The following CFHR4 variants were observed in gnomAD, a reference collection of about 807,000 sequenced individuals.
The protein encoded by CFHR4 is complement factor H related 4, also known as complement factor H-related protein 4.
CFHR4 carries 64 observed loss-of-function variants against 69.3 expected under a neutral mutation model. The observed-to-expected ratio is 0.92, with a 90% CI of 0.76 to 1.14. The LOEUF is 1.14. CFHR4 is among the 50% of genes most tolerant of loss of function. The probability of loss-of-function intolerance (pLI) is 0.00; values close to 1 mark genes in which losing one functional copy is unlikely to be tolerated. For missense variants in CFHR4, 636 were observed against 684.9 expected, an observed-to-expected ratio of 0.93 and a Z score of 0.80; for synonymous variants, 244 against 237.0, an observed-to-expected ratio of 1.03 and a Z score of -0.27.
intron 9 of CFHR4, 28 bp from the exon 10 acceptor site, chr1:196,918,182 T>G: frequency 2.5e-6 from 4 of 1,592,568 alleles, no homozygotes; most frequent in Non-Finnish European, 2.6e-6. Flanking sequence ...AGATTATGAT[T>G]GTTAATTGTT....
At chr1:196,900,607 T>C (rs1371512764) in intron 1 of CFHR4, among the ~76,000 whole-genome samples, 2 of 151,358 alleles carry the variant, frequency 1.3e-5, no homozygotes, top group Admixed American at 6.6e-5. Context: ...GAAATTTTAA[T>C]TGAGTTTTTT....
intron 9 of CFHR4, among the ~76,000 whole-genome samples, chr1:196,918,004 G>A (rs1315751657): frequency 2.0e-5 from 3 of 151,600 alleles, no homozygotes; most frequent in South Asian, 4.2e-4. Context: ...CTCACCTGAT[G>A]ATCTCTGCTG....
At chr1:196,910,499 C>G (rs1056541773) in intron 6 of CFHR4, 21 bp downstream of exon 6, 1 of 1,578,994 alleles carries the variant, frequency 6.3e-7, no homozygotes, top group East Asian at 2.2e-5. Flanking sequence ...CTCTTTACAA[C>G]AATATGTGCA....
At chr1:196,902,695 T>C (rs1657692525) in intron 2 of CFHR4, 80 bp downstream of exon 2, 1 of 1,084,572 alleles carries the variant, frequency 9.2e-7, no homozygotes, top group Non-Finnish European at 1.4e-6. Context: ...TTATATTGTC[T>C]TATATAACAG....
intron 9 of CFHR4, among the ~76,000 whole-genome samples, chr1:196,917,440 T>G (rs910427772): frequency 6.6e-6 from 1 of 151,786 alleles, no homozygotes; most frequent in Non-Finnish European, 1.5e-5. Context: ...ATAAATTTTT[T>G]TACAAAAGAA....
Position 196,901,266 on chromosome 1 carries a change from C to CA in CFHR4, c.59-1142dup, listed in dbSNP as rs796118586. The stretch of plus-strand genomic sequence containing the variant: ...CACATTGGAAGTTTCAAAAATGTGG[C>CA]AAAAAAAAAATGGTGAAGAGAAATA... On this transcript the variant is annotated intron_variant, in intron 1 of 9. Coordinates refer to ENST00000608469, the MANE Select transcript of CFHR4 (RefSeq NM_001201550.3). 7.4e-3 allele frequency among the ~76,000 whole-genome samples: 1,062 copies of CA among 143,316 alleles called. 41 individuals are homozygous for CA. Among genetic ancestry groups the CA allele is most frequent in the African/African-American group, 0.025 (985 of 39,080 alleles). The allele number at this position is 143,316 out of a possible 152,430, so 94.0% of individuals were successfully genotyped here. A position where few individuals can be genotyped will look rare whatever the true frequency, so the allele number is the denominator to read the frequency against.
intron 2 of CFHR4, among the ~76,000 whole-genome samples, chr1:196,902,828 T>C (rs1289134508): frequency 1.3e-5 from 2 of 151,490 alleles, no homozygotes; most frequent in Non-Finnish European, 2.9e-5. Flanking sequence ...ACCGATATAA[T>C]TTAAACATAT....
chr1:196,916,296 G>C (rs1182483253), intron 9 of CFHR4, among the ~76,000 whole-genome samples: 2 of 151,596 alleles, frequency 1.3e-5, no homozygotes, highest in Non-Finnish European at 1.5e-5. Flanking sequence ...AGAGCCCTGG[G>C]ATACCCATCA....
At chr1:196,915,320 A>G (rs1264779832) in intron 9 of CFHR4, among the ~76,000 whole-genome samples, 182 bp downstream of exon 9, 1 of 151,220 alleles carries the variant, frequency 6.6e-6, no homozygotes, top group Non-Finnish European at 1.5e-5. Context: ...TTCCATGTAA[A>G]CAATGACCAA....
Position 196,907,033 on chromosome 1 carries a change from C to T in CFHR4, c.612C>T (p.Cys204=), listed in dbSNP as rs1361851317. 8 of 1,607,296 alleles carry T rather than the reference C, an allele frequency of 5.0e-6. No homozygotes were observed. Among genetic ancestry groups the T allele is most frequent in the Non-Finnish European group, 6.8e-6 (8 of 1,176,960 alleles). ...ATGGCTGGTCCCATTTGCCAACATG[C>T]TATAGTAAGTATTTTATTCAAGTAT... ...GEDGWSHLPT[C]YNSSENCGPP... is the part of the protein sequence containing the mutation. Residue 204 remains cysteine (C), a synonymous_variant, in exon 4 of 10, where the codon TGC becomes TGT. Coordinates refer to ENST00000608469, the MANE Select transcript of CFHR4 (RefSeq NM_001201550.3).
At chr1:196,902,642 G>A in intron 2 of CFHR4, 27 bp downstream of exon 2, 1 of 1,524,016 alleles carries the variant, frequency 6.6e-7, no homozygotes, top group Middle Eastern at 1.7e-4. Context: ...ACAAGAATAT[G>A]TGCATAAAAC....
intron 7 of CFHR4, among the ~76,000 whole-genome samples, chr1:196,913,614 G>T (rs1287597932): frequency 6.6e-6 from 1 of 151,274 alleles, no homozygotes; most frequent in South Asian, 2.1e-4. Context: ...GGCAAAAGTT[G>T]ATTTTTTTTC....
intron 1 of CFHR4, among the ~76,000 whole-genome samples, chr1:196,892,897 T>TATCA (rs1251102152): frequency 1.3e-5 from 2 of 151,518 alleles, no homozygotes; most frequent in African/African-American, 4.9e-5. Context: ...ATTCCATTAA[T>TATCA]ATCAGATGAG....
intron 6 of CFHR4, 88 bp downstream of exon 6, chr1:196,910,566 T>C (rs774840936): frequency 4.6e-6 from 5 of 1,089,710 alleles, no homozygotes; most frequent in Non-Finnish European, 6.8e-6. Flanking sequence ...TTGTCTTATA[T>C]GACAGAGATG....
chr1:196,900,212 T>C (rs1056250454), intron 1 of CFHR4, among the ~76,000 whole-genome samples: 2 of 151,072 alleles, frequency 1.3e-5, no homozygotes, highest in African/African-American at 4.9e-5. Context: ...GATAGAACCA[T>C]CATAACTGCT....
intron 2 of CFHR4, among the ~76,000 whole-genome samples, chr1:196,904,146 A>AT (rs1415229506): frequency 6.6e-6 from 1 of 151,674 alleles, no homozygotes; most frequent in East Asian, 1.9e-4. Context: ...TGCCATAGGC[A>AT]CCAACTCTGT....
intron 6 of CFHR4, among the ~76,000 whole-genome samples, 170 bp from the exon 7 acceptor site, chr1:196,912,570 C>T (rs527381977): frequency 6.6e-6 from 1 of 151,398 alleles, no homozygotes. Context: ...TTCAGAAATT[C>T]GTGGTTTCCT....
At chr1:196,909,500 T>C in intron 5 of CFHR4, among the ~76,000 whole-genome samples, 1 of 151,566 alleles carries the variant, frequency 6.6e-6, no homozygotes, top group East Asian at 1.9e-4. Flanking sequence ...CCTGAATGTA[T>C]TGAAGAGATC....
At chr1:196,888,288 T>A in intron 1 of CFHR4, 80 bp downstream of exon 1, 1 of 1,405,834 alleles carries the variant, frequency 7.1e-7, no homozygotes, top group South Asian at 1.2e-5. Context: ...ATGTCTATAA[T>A]TTTTTTATAA....
Sources: allele counts gnomAD v4.1 joint callset (sites outside exome capture counted in the v4.1 genomes callset), GRCh38; gene constraint gnomAD v4.1.1; transcripts MANE v1.5; gene names NCBI Gene and HGNC (gene_info 2026-07-23, HGNC 2026-07-21).